The following DMC1 variants were observed in gnomAD, a reference collection of about 807,000 sequenced individuals.
The protein encoded by DMC1 is meiotic recombination protein DMC1 homolog.
In DMC1, 27 loss-of-function variants were observed where a neutral mutation model predicts 50.1. The observed-to-expected ratio is 0.54, with a 90% confidence interval of 0.40 to 0.74. The LOEUF is 0.74. Among genes scored for constraint, DMC1 ranks in the 30% least tolerant of loss-of-function variants. The probability of loss-of-function intolerance (pLI) is 0.00; values close to 1 mark genes in which losing one functional copy is unlikely to be tolerated. For missense variants in DMC1, 295 were observed against 420.2 expected, an observed-to-expected ratio of 0.70 and a Z score of 2.60; for synonymous variants, 148 against 136.1, an observed-to-expected ratio of 1.09 and a Z score of -0.61.
At chr22:38,555,638 A>G (rs561542963) in intron 5 of DMC1, among the ~76,000 whole-genome samples, 175 of 152,208 alleles carry the variant, frequency 1.1e-3, no homozygotes, top group Non-Finnish European at 2.0e-3. Context: ...AGCAAAACAA[A>G]TGATAAGCCC....
At chr22:38,551,105 G>A (rs765779372) in intron 7 of DMC1, among the ~76,000 whole-genome samples, 3 of 149,742 alleles carry the variant, frequency 2.0e-5, no homozygotes, top group Non-Finnish European at 4.4e-5. Flanking sequence ...AAAATTAGCC[G>A]GGCATGGTCG....
At chr22:38,551,856 C>CTTT (rs71761663) in intron 7 of DMC1, among the ~76,000 whole-genome samples, 207 of 93,132 alleles carry the variant, frequency 2.2e-3, no homozygotes, top group Non-Finnish European at 2.8e-3. Flanking sequence ...GAACTCCTTT[C>CTTT]TTTTTTTTTT....
the DMC1 span, among the ~76,000 whole-genome samples, chr22:38,513,789 C>T: frequency 3.9e-5 from 6 of 152,238 alleles, no homozygotes; most frequent in Non-Finnish European, 8.8e-5. Context: ...TGGCCTTGAA[C>T]TCCTGACCTC....
At chr22:38,544,651 G>T (rs1264209612) in intron 8 of DMC1, among the ~76,000 whole-genome samples, 2 of 147,692 alleles carry the variant, frequency 1.4e-5, no homozygotes, top group African/African-American at 2.5e-5. Flanking sequence ...TTTTGAGACA[G>T]AGTCTTGCTC....
chr22:38,517,230 A>G (rs1224267038), downstream of DMC1, among the ~76,000 whole-genome samples: 5 of 152,188 alleles, frequency 3.3e-5, no homozygotes, highest in East Asian at 1.9e-4. Flanking sequence ...AGAATTGGCT[A>G]TCCCTGATAG....
At chr22:38,522,272 C>T (rs1358139613) in intron 12 of DMC1, among the ~76,000 whole-genome samples, 1 of 149,244 alleles carries the variant, frequency 6.7e-6, no homozygotes, top group East Asian at 2.2e-4. Flanking sequence ...AATGAGATTA[C>T]TGGCTGGGCT....
intron 12 of DMC1, among the ~76,000 whole-genome samples, chr22:38,535,193 G>A (rs1393338511): frequency 6.6e-6 from 1 of 152,062 alleles, no homozygotes; most frequent in Non-Finnish European, 1.5e-5. Flanking sequence ...CAGCTACTCA[G>A]GAGGCTGAGG....
chr22:38,566,595 G>A lies in DMC1; in HGVS notation c.238C>T (p.Leu80=). The change falls in exon 4 of 14, where the codon CTA becomes TTA. Residue 80 remains leucine (L), a synonymous_variant. Coordinates refer to ENST00000216024, the MANE Select transcript of DMC1 (RefSeq NM_007068.4). ...VDKIKEAANK[L]IEPGFLTAFE... ...AAAGAATGGATTTTGCTTACAATTA[G>A]TTTGTTCGCTGCCTCTTTAATCTTG... The A allele has an allele frequency of 6.2e-7, 1 of 1,614,144 alleles. No homozygotes were observed. Among genetic ancestry groups the A allele is most frequent in the South Asian group, 1.1e-5 (1 of 91,078 alleles).
At chr22:38,555,116 T>C (rs1040306797) in intron 6 of DMC1, among the ~76,000 whole-genome samples, 4 of 151,986 alleles carry the variant, frequency 2.6e-5, no homozygotes, top group Admixed American at 2.0e-4. Context: ...ATCTATTATC[T>C]TCTATAGGAA....
At chr22:38,522,198 G>A (rs192357293) in intron 12 of DMC1, among the ~76,000 whole-genome samples, 119 of 150,156 alleles carry the variant, frequency 7.9e-4, no homozygotes, top group Admixed American at 5.3e-4. Context: ...TGATCTGCCC[G>A]CCTGGGCCTC....
At chr22:38,526,575 C>T (rs758127802) in intron 12 of DMC1, among the ~76,000 whole-genome samples, 9 of 151,716 alleles carry the variant, frequency 5.9e-5, no homozygotes, top group African/African-American at 9.7e-5. Context: ...AACATCCCCT[C>T]CCCACCAAAA....
chr22:38,565,368 A>G (rs926580443), intron 4 of DMC1, among the ~76,000 whole-genome samples: 2 of 151,076 alleles, frequency 1.3e-5, no homozygotes, highest in Non-Finnish European at 3.0e-5. Context: ...TGGCCCACCA[A>G]TGTGCCATGT....
At position 38,531,443 on chromosome 22, in the gene DMC1, C is replaced by T. The variant is rs148576026; in HGVS notation, c.836+6149G>A. ...GCCCCAATTATTGTCAGTGTACTTG[C>T]GGACTCATACCAATTATAGTGATAG... On this transcript the variant is annotated intron_variant, in intron 12 of 13. Transcript: ENST00000216024. Among the ~76,000 whole-genome samples the T allele has an allele frequency of 1.6e-3, 249 of 152,188 alleles. 1 individual carries two copies. The highest frequency in any genetic ancestry group is 3.1e-3 in the Admixed American group (47 of 15,260).
chr22:38,552,942 G>A (rs1226709216), intron 6 of DMC1, among the ~76,000 whole-genome samples: 1 of 151,432 alleles, frequency 6.6e-6, no homozygotes, highest in East Asian at 2.0e-4. Context: ...TCACCTCCCG[G>A]GTTCAAGCGA....
intron 4 of DMC1, among the ~76,000 whole-genome samples, chr22:38,564,491 G>T (rs1460996315): frequency 6.6e-6 from 1 of 152,020 alleles, no homozygotes; most frequent in Non-Finnish European, 1.5e-5. Context: ...TGTATTTTTA[G>T]TAGAGACAGG....
At chr22:38,552,998 C>A (rs2090429301) in intron 6 of DMC1, among the ~76,000 whole-genome samples, 1 of 151,414 alleles carries the variant, frequency 6.6e-6, no homozygotes, top group Non-Finnish European at 1.5e-5. Context: ...CAGGTGCCTG[C>A]CACCACGCCC....
chr22:38,513,258 C>T, the DMC1 span, among the ~76,000 whole-genome samples: 1 of 152,244 alleles, frequency 6.6e-6, no homozygotes, highest in Non-Finnish European at 1.5e-5. Context: ...GCTGCCCCTG[C>T]TCCCCCTGCT....
the DMC1 span, among the ~76,000 whole-genome samples, chr22:38,510,044 C>A: frequency 8.5e-5 from 13 of 152,166 alleles, no homozygotes; most frequent in Non-Finnish European, 1.9e-4. Context: ...GAAACCCCGT[C>A]TCTCCTAAAA....
At chr22:38,538,800 C>A (rs1001695550) in intron 9 of DMC1, among the ~76,000 whole-genome samples, 188 bp from the exon 10 acceptor site, 3 of 152,072 alleles carry the variant, frequency 2.0e-5, no homozygotes, top group Non-Finnish European at 4.4e-5. Context: ...TTTGGGAGGC[C>A]GAGGCAGGTG....
Sources: gnomAD v4.1 joint callset for allele counts (sites outside exome capture counted in the v4.1 genomes callset) on GRCh38, gnomAD v4.1.1 for gene constraint, MANE v1.5 for transcripts, NCBI Gene and HGNC (gene_info 2026-07-23, HGNC 2026-07-21) for gene names.